RAF1: variants seen among roughly 807,000 people sequenced by gnomAD.
The protein encoded by RAF1 is Raf-1 proto-oncogene, serine/threonine kinase.
Under a neutral mutation model 81.1 loss-of-function variants are expected in RAF1, and 27 were observed. The observed-to-expected ratio is 0.33, with a 90% CI of 0.25 to 0.46. The LOEUF (loss-of-function observed/expected upper bound fraction) is 0.46. Ranked by LOEUF, RAF1 falls within the 20% of genes least tolerant of loss-of-function variation. RAF1 has a pLI of 1.00. For synonymous variants in RAF1, 298 were observed against 294.0 expected (o/e 1.01, Z -0.14); for missense variants, 598 against 826.0 (o/e 0.72, Z 3.38).
intron 1 of RAF1, among the ~76,000 whole-genome samples, chr3:12,631,434 T>C (rs2059855879): frequency 6.8e-6 from 1 of 147,624 alleles, no homozygotes; most frequent in Admixed American, 7.0e-5. Flanking sequence ...CTGTCTCTAC[T>C]AAAAATACGA....
intron 8 of RAF1, among the ~76,000 whole-genome samples, chr3:12,600,999 G>A (rs2058846044): frequency 6.6e-6 from 1 of 152,222 alleles, no homozygotes; most frequent in Admixed American, 6.5e-5. Context: ...TGGGATTCTT[G>A]TTCCACTGAG....
chr3:12,619,526 T>C (rs1434282908), intron 1 of RAF1, among the ~76,000 whole-genome samples: 6 of 150,638 alleles, frequency 4.0e-5, no homozygotes, highest in African/African-American at 1.2e-4. Context: ...TATCGTGTCA[T>C]TGCACTCCAG....
At chr3:12,649,943 G>A (rs938147799) in intron 1 of RAF1, among the ~76,000 whole-genome samples, 12 of 151,838 alleles carry the variant, frequency 7.9e-5, no homozygotes, top group Admixed American at 2.6e-4. Context: ...TCAGGAGTTC[G>A]CGACCAGTCT....
rs762394505 is a variant in RAF1 at position 12,591,694 on chromosome 3, A to T, written c.1253+14T>A. 6.2e-7 allele frequency: 1 copy of T among 1,612,112 alleles called. No individual in the cohort carries two copies. Among genetic ancestry groups the T allele is most frequent in the Non-Finnish European group, 8.5e-7 (1 of 1,178,156 alleles). On this transcript the variant is annotated intron_variant, in intron 12 of 17. Coordinates refer to ENST00000442415, the MANE Select transcript of RAF1 (RefSeq NM_001354689.3). ...AGCACTCCAGAGGGACTGGACCGCC[A>T]GCTTTCTACTCACCGCAGAACAGCC...
intron 1 of RAF1, among the ~76,000 whole-genome samples, chr3:12,630,062 C>A (rs770213908): frequency 2.0e-5 from 3 of 152,160 alleles, no homozygotes; most frequent in Non-Finnish European, 4.4e-5. Context: ...GGATTATAGG[C>A]GTAAGCCACT....
chr3:12,617,530 G>A (rs2059407556), intron 2 of RAF1, among the ~76,000 whole-genome samples: 1 of 152,096 alleles, frequency 6.6e-6, no homozygotes, highest in Admixed American at 6.6e-5. Flanking sequence ...TGGGATTACA[G>A]GTATAAATCA....
At chr3:12,645,585 A>G (rs1412875351) in intron 1 of RAF1, among the ~76,000 whole-genome samples, 1 of 152,202 alleles carries the variant, frequency 6.6e-6, no homozygotes, top group African/African-American at 2.4e-5. Context: ...GTTGATCTGT[A>G]CTTTGAAACC....
intron 1 of RAF1, among the ~76,000 whole-genome samples, chr3:12,620,037 G>A (rs888526782): frequency 7.2e-5 from 11 of 151,990 alleles, no homozygotes; most frequent in Admixed American, 1.3e-4. Flanking sequence ...AGCTGAGATC[G>A]CACCACTGCA....
intron 14 of RAF1, chr3:12,586,763 T>G (rs1282481710): frequency 6.6e-6 from 1 of 152,218 alleles, no homozygotes; most frequent in East Asian, 1.9e-4. Context: ...TACTCTTCTA[T>G]AAAAACAACC....
chr3:12,646,629 C>A (rs1228270679), intron 1 of RAF1, among the ~76,000 whole-genome samples: 1 of 151,502 alleles, frequency 6.6e-6, no homozygotes, highest in Non-Finnish European at 1.5e-5. Flanking sequence ...CGGCTCATTG[C>A]AACCTCCACC....
chr3:12,637,038 A>G (rs1401731220), intron 1 of RAF1, among the ~76,000 whole-genome samples: 1 of 152,194 alleles, frequency 6.6e-6, no homozygotes, highest in Non-Finnish European at 1.5e-5. Context: ...AAGAATGAAT[A>G]AGATAGTGTA....
At chr3:12,594,674 T>C (rs1474612467) in intron 11 of RAF1, among the ~76,000 whole-genome samples, 1 of 152,222 alleles carries the variant, frequency 6.6e-6, no homozygotes, top group Non-Finnish European at 1.5e-5. Flanking sequence ...GAACAATGAA[T>C]ATGACTTATC....
At chr3:12,601,101 G>C (rs535070936) in intron 8 of RAF1, among the ~76,000 whole-genome samples, 1 of 152,182 alleles carries the variant, frequency 6.6e-6, no homozygotes, top group Admixed American at 6.5e-5. Context: ...AAATTGACTA[G>C]AAGTTGGATT....
intron 1 of RAF1, among the ~76,000 whole-genome samples, chr3:12,632,587 T>C (rs1464064448): frequency 6.6e-6 from 1 of 152,206 alleles, no homozygotes; most frequent in African/African-American, 2.4e-5. Context: ...ATTAGTCAGC[T>C]TTCCATCAGC....
At chr3:12,632,935 T>C (rs1223091010) in intron 1 of RAF1, among the ~76,000 whole-genome samples, 1 of 152,078 alleles carries the variant, frequency 6.6e-6, no homozygotes, top group East Asian at 1.9e-4. Flanking sequence ...CAGTTGAGAG[T>C]ATGAATACTG....
At chr3:12,618,381 C>A in intron 2 of RAF1, 134 bp downstream of exon 2, 1 of 898,986 alleles carries the variant, frequency 1.1e-6, no homozygotes, top group Non-Finnish European at 1.7e-6. Context: ...AAAAATAAAT[C>A]TGCAGTTAGA....
At position 12,591,031 on chromosome 3, in the gene RAF1, C is replaced by T. The variant is rs991611263; in HGVS notation, c.1254-57G>A. 2.7e-6 allele frequency: 4 copies of T among 1,490,168 alleles called. No homozygotes were observed. In the African/African-American group the frequency reaches 4.1e-5, roughly 15 times the overall value. 92.3% of individuals were successfully genotyped at this position (1,490,168 alleles called of 1,614,324 possible). Reference sequence around the variant, plus strand: ...GGAGGAAAGTGCTCAGGGAGGTCTACTGTGCTTTCCCGTGGACAGTGGGTT... The same window carrying T: ...GGAGGAAAGTGCTCAGGGAGGTCTATTGTGCTTTCCCGTGGACAGTGGGTT... On this transcript the variant is annotated intron_variant, in intron 12 of 17. Coordinates refer to ENST00000442415, the MANE Select transcript of RAF1 (RefSeq NM_001354689.3).
chr3:12,628,399 C>A (rs1023378492), intron 1 of RAF1, among the ~76,000 whole-genome samples: 2 of 152,084 alleles, frequency 1.3e-5, no homozygotes, highest in African/African-American at 2.4e-5. Flanking sequence ...TGGTGGCATG[C>A]ACCTGTAGCC....
At chr3:12,633,566 C>A (rs1330926679) in intron 1 of RAF1, among the ~76,000 whole-genome samples, 1 of 150,784 alleles carries the variant, frequency 6.6e-6, no homozygotes, top group African/African-American at 2.4e-5. Flanking sequence ...ATTAAAATAG[C>A]CTATCGAATG....
Sources: gnomAD v4.1 joint callset for allele counts (sites outside exome capture counted in the v4.1 genomes callset) on GRCh38, gnomAD v4.1.1 for gene constraint, MANE v1.5 for transcripts, NCBI Gene and HGNC (gene_info 2026-07-23, HGNC 2026-07-21) for gene names.